Variants in DACH2 observed in about 807,000 individuals in gnomAD.
The protein encoded by DACH2 is dachshund family transcription factor 2.
A neutral mutation model predicts 35.8 loss-of-function variants in DACH2; 17 were observed. The observed-to-expected ratio is 0.48, with a 90% CI of 0.33 to 0.71. The LOEUF (loss-of-function observed/expected upper bound fraction) is 0.71. Among genes scored for constraint, DACH2 ranks in the 30% least tolerant of loss-of-function variants. The pLI is 0.02. For missense variants in DACH2, 469 were observed against 472.7 expected (o/e 0.99, Z 0.07); for synonymous variants, 195 against 177.3 (o/e 1.10, Z -0.79).
At chrX:86,786,871 C>T (rs748435235) in intron 7 of DACH2, among the ~76,000 whole-genome samples, 1 of 111,831 alleles carries the variant, frequency 8.9e-6, no homozygotes, top group African/African-American at 3.2e-5. Context: ...GAGAGTGACC[C>T]AGTGGGAGGT....
intron 1 of DACH2, among the ~76,000 whole-genome samples, chrX:86,223,369 A>G (rs1380196091): frequency 9.0e-6 from 1 of 111,179 alleles, no homozygotes; most frequent in Non-Finnish European, 1.9e-5. Context: ...TTATACATAC[A>G]GATTTTGGTT....
At chrX:86,394,558 A>G (rs12862071) in intron 2 of DACH2, among the ~76,000 whole-genome samples, 6 of 111,696 alleles carry the variant, frequency 5.4e-5, no homozygotes, top group Non-Finnish European at 1.1e-4. Flanking sequence ...AAAATTTGAT[A>G]TTTTCAAGTT....
Position 86,612,414 on chromosome X carries a change from A to T in DACH2, c.641-38622A>T, listed in dbSNP as rs184533748. 1.4e-4 allele frequency among the ~76,000 whole-genome samples: 15 copies of T among 110,770 alleles called. No individual in the cohort carries two copies. In the East Asian group the frequency reaches 1.7e-3, roughly 13 times the overall value. The stretch of plus-strand genomic sequence containing the variant: ...CTCTAAGCTCAGCACAGCACTAGGA[A>T]CTACATAAGAATTTCAGTCCTTGTG... On this transcript the variant is annotated intron_variant, in intron 3 of 11. Coordinates refer to ENST00000373125, the MANE Select transcript of DACH2 (RefSeq NM_053281.3).
chrX:86,531,939 G>C (rs763379792), intron 3 of DACH2, among the ~76,000 whole-genome samples: 3 of 113,040 alleles, frequency 2.7e-5, no homozygotes, highest in Non-Finnish European at 5.6e-5. Flanking sequence ...TCCACCCCTT[G>C]CATCAGCATA....
chrX:86,661,193 A>T (rs2040601181), intron 4 of DACH2, among the ~76,000 whole-genome samples: 1 of 112,253 alleles, frequency 8.9e-6, no homozygotes, highest in Non-Finnish European at 1.9e-5. Flanking sequence ...TGAAGTGTAC[A>T]GTTCAGTGGT....
chrX:86,479,211 TTG>T lies in DACH2; in HGVS notation c.528-35057_528-35056del, dbSNP rs940723813. Among the ~76,000 whole-genome samples the T allele has an allele frequency of 5.4e-5, 6 of 110,926 alleles. No individual in the cohort carries two copies. The Admixed American group carries it at 5.8e-4, about 11-fold the overall frequency. On this transcript the variant is annotated intron_variant, in intron 2 of 11. Transcript: ENST00000373125. ...TGTGTTCCTCTCGACATCCAGCCAT[TTG>T]TGTGTGTGTGCCCGCTAGGGTCTTG... is the stretch of plus-strand genomic sequence containing the variant.
At chrX:86,652,607 C>T (rs781089132) in intron 4 of DACH2, among the ~76,000 whole-genome samples, 1 of 111,932 alleles carries the variant, frequency 8.9e-6, no homozygotes, top group Non-Finnish European at 1.9e-5. Flanking sequence ...TTGCCAGAAT[C>T]TCTATTTTTT....
At chrX:86,506,812 G>T (rs779214988) in intron 2 of DACH2, among the ~76,000 whole-genome samples, 3 of 111,609 alleles carry the variant, frequency 2.7e-5, no homozygotes, top group Non-Finnish European at 5.6e-5. Context: ...AATTTCTCTT[G>T]CTGTGTAATG....
intron 7 of DACH2, among the ~76,000 whole-genome samples, chrX:86,760,773 C>T (rs1416519907): frequency 9.2e-6 from 1 of 108,657 alleles, no homozygotes; most frequent in Non-Finnish European, 1.9e-5. Context: ...TGTATCTTTG[C>T]TTTTTCCTCT....
chrX:86,628,062 C>T (rs1166965614), intron 3 of DACH2, among the ~76,000 whole-genome samples: 1 of 111,940 alleles, frequency 8.9e-6, no homozygotes, highest in East Asian at 2.8e-4. Context: ...AGCCCTTTTT[C>T]CTCCTCCTGC....
chrX:86,482,149 C>A (rs749865762), intron 2 of DACH2, among the ~76,000 whole-genome samples: 1 of 111,425 alleles, frequency 9.0e-6, no homozygotes, highest in African/African-American at 3.2e-5. Context: ...GAGTAAATTT[C>A]AAATATTCTC....
intron 3 of DACH2, among the ~76,000 whole-genome samples, chrX:86,553,054 G>A (rs1318512511): frequency 9.0e-6 from 1 of 110,854 alleles, no homozygotes; most frequent in Non-Finnish European, 1.9e-5. Flanking sequence ...AATTTATTAA[G>A]GAATATTGAC....
chrX:86,783,621 G>A (rs778441098), intron 7 of DACH2, among the ~76,000 whole-genome samples: 54 of 112,134 alleles, frequency 4.8e-4, no homozygotes, highest in African/African-American at 1.7e-3. Context: ...CAACAGCATG[G>A]ATGGAACTGG....
chrX:86,205,672 C>T (rs2032290916), intron 1 of DACH2, among the ~76,000 whole-genome samples: 1 of 106,270 alleles, frequency 9.4e-6, no homozygotes. Flanking sequence ...CCCATCCTCC[C>T]TCCTCAGCCT....
intron 6 of DACH2, among the ~76,000 whole-genome samples, chrX:86,726,680 A>C (rs973280782): frequency 1.9e-4 from 21 of 111,795 alleles, no homozygotes; most frequent in African/African-American, 6.5e-4. Context: ...CCCTGTCTGG[A>C]GCAACACCTC....
chrX:86,598,307 G>A (rs1256241276), intron 3 of DACH2, among the ~76,000 whole-genome samples: 1 of 111,490 alleles, frequency 9.0e-6, no homozygotes, highest in Non-Finnish European at 1.9e-5. Context: ...GTCCTTAGAG[G>A]AGGCATCCTT....
At chrX:86,396,873 C>A (rs1273838018) in intron 2 of DACH2, among the ~76,000 whole-genome samples, 4 of 110,850 alleles carry the variant, frequency 3.6e-5, no homozygotes, top group African/African-American at 1.3e-4. Context: ...GCAATGCGGG[C>A]TCTTTTTTGG....
At chrX:86,437,661 ACTTT>A (rs1404160664) in intron 2 of DACH2, among the ~76,000 whole-genome samples, 1 of 111,303 alleles carries the variant, frequency 9.0e-6, no homozygotes, top group Non-Finnish European at 1.9e-5. Flanking sequence ...TATATACCAT[ACTTT>A]CTTTATCCAT....
At chrX:86,540,143 C>G (rs935808863) in intron 3 of DACH2, among the ~76,000 whole-genome samples, 1 of 111,967 alleles carries the variant, frequency 8.9e-6, no homozygotes, top group African/African-American at 3.2e-5. Flanking sequence ...TTTGATTTTT[C>G]TATGAGCATT....
Sources: allele counts gnomAD v4.1 joint callset (sites outside exome capture counted in the v4.1 genomes callset), GRCh38; gene constraint gnomAD v4.1.1; transcripts MANE v1.5; gene names NCBI Gene and HGNC (gene_info 2026-07-23, HGNC 2026-07-21).